PPP2R3A: variants seen among roughly 807,000 people sequenced by gnomAD.
The protein encoded by PPP2R3A is serine/threonine-protein phosphatase 2A regulatory subunit B'' subunit alpha.
A neutral mutation model predicts 106.9 loss-of-function variants in PPP2R3A; 80 were observed. That is an observed-to-expected ratio of 0.75 (90% CI 0.62 to 0.90). PPP2R3A has a LOEUF of 0.90. PPP2R3A is among the 40% of genes least tolerant of loss of function. The pLI is 0.00. For synonymous variants in PPP2R3A, 483 were observed against 468.3 expected (o/e 1.03, Z -0.41); for missense variants, 1,386 against 1,350.4 (o/e 1.03, Z -0.41).
intron 4 of PPP2R3A, among the ~76,000 whole-genome samples, chr3:136,046,985 G>A (rs1431967431): frequency 6.6e-6 from 1 of 152,150 alleles, no homozygotes; most frequent in African/African-American, 2.4e-5. Flanking sequence ...ATCAATCTGA[G>A]GAAAGAGTCT....
At chr3:136,115,172 G>T (rs530597376) in intron 13 of PPP2R3A, among the ~76,000 whole-genome samples, 1 of 152,304 alleles carries the variant, frequency 6.6e-6, no homozygotes, top group African/African-American at 2.4e-5. Context: ...GCAGCAGAGG[G>T]GCCTGACTGT....
chr3:136,025,666 A>C (rs1313679276), intron 2 of PPP2R3A, among the ~76,000 whole-genome samples: 2 of 152,272 alleles, frequency 1.3e-5, no homozygotes, highest in East Asian at 3.8e-4. Context: ...TATTTCTTAC[A>C]GATATATCAT....
chr3:136,137,902 A>C (rs776309394), intron 13 of PPP2R3A, among the ~76,000 whole-genome samples: 10 of 152,142 alleles, frequency 6.6e-5, no homozygotes, highest in Non-Finnish European at 1.3e-4. Context: ...TAGGTAAAGA[A>C]AGCCAGCCAG....
intron 2 of PPP2R3A, among the ~76,000 whole-genome samples, chr3:136,009,393 CTTATTTCTTGAAGGTT>C (rs1207501989): frequency 6.6e-6 from 1 of 152,100 alleles, no homozygotes; most frequent in Non-Finnish European, 1.5e-5. Context: ...ACCCAGGTCA[CTTATTTCTTGAAGGTT>C]TTATCTCCTG....
chr3:136,140,442 T>TAAAAAAAAAA (rs199699500), intron 13 of PPP2R3A, among the ~76,000 whole-genome samples: 2 of 87,238 alleles, frequency 2.3e-5, no homozygotes, highest in African/African-American at 4.8e-5. Flanking sequence ...TGAGACTCTT[T>TAAAAAAAAAA]AAAAAAAAAA....
intron 10 of PPP2R3A, among the ~76,000 whole-genome samples, chr3:136,098,563 C>A (rs1298517465): frequency 6.6e-6 from 1 of 152,158 alleles, no homozygotes; most frequent in South Asian, 2.1e-4. Flanking sequence ...TCTCCTAGAA[C>A]CTTCTCTTGA....
At chr3:136,108,258 T>C (rs1173637826) in intron 13 of PPP2R3A, among the ~76,000 whole-genome samples, 2 of 150,410 alleles carry the variant, frequency 1.3e-5, no homozygotes, top group African/African-American at 5.0e-5. Context: ...TAGTGAAAAT[T>C]TGGAGGCAAT....
At chr3:135,985,261 A>G (rs530095399) in intron 1 of PPP2R3A, among the ~76,000 whole-genome samples, 105 of 152,090 alleles carry the variant, frequency 6.9e-4, no homozygotes, top group Non-Finnish European at 4.9e-4. Flanking sequence ...AAGGGTCAGC[A>G]TAGCAGCACA....
chr3:136,076,952 GAA>G (rs397942257), intron 6 of PPP2R3A, among the ~76,000 whole-genome samples: 2 of 107,920 alleles, frequency 1.9e-5, no homozygotes, highest in Non-Finnish European at 2.1e-5. Context: ...GTCTCAGAAA[GAA>G]AAAAAAAAAA....
chr3:136,063,178 C>T (rs572019991), intron 5 of PPP2R3A, among the ~76,000 whole-genome samples: 1 of 152,212 alleles, frequency 6.6e-6, no homozygotes, highest in Non-Finnish European at 1.5e-5. Context: ...GGAAAGGATT[C>T]CCTATTTAAT....
At chr3:136,116,490 A>G (rs1937766253) in intron 13 of PPP2R3A, among the ~76,000 whole-genome samples, 1 of 152,230 alleles carries the variant, frequency 6.6e-6, no homozygotes, top group South Asian at 2.1e-4. Flanking sequence ...TGTATTCAGG[A>G]GACCCATCTC....
chr3:136,113,868 G>C (rs552085225), intron 13 of PPP2R3A, among the ~76,000 whole-genome samples: 1 of 151,872 alleles, frequency 6.6e-6, no homozygotes, highest in Admixed American at 6.6e-5. Flanking sequence ...TAACATTCTC[G>C]ACATAGGCCT....
chr3:136,044,832 G>A (rs1559886365), intron 4 of PPP2R3A, among the ~76,000 whole-genome samples: 3 of 152,166 alleles, frequency 2.0e-5, no homozygotes, highest in African/African-American at 7.2e-5. Flanking sequence ...TGCAGAGCAG[G>A]CCACTGTCAC....
intron 10 of PPP2R3A, among the ~76,000 whole-genome samples, chr3:136,091,852 A>G (rs940498084): frequency 1.2e-4 from 18 of 152,210 alleles, no homozygotes; most frequent in African/African-American, 4.3e-4. Flanking sequence ...ATATACCAGC[A>G]GAGTAGAGTA....
chr3:136,005,364 C>G (rs1283671012), intron 2 of PPP2R3A, among the ~76,000 whole-genome samples: 5 of 152,172 alleles, frequency 3.3e-5, no homozygotes, highest in African/African-American at 7.2e-5. Context: ...GATACTCAGT[C>G]TGTATGTTTT....
chr3:136,013,180 GTGTATGTATGTATGTATGTA>G (rs201268370), intron 2 of PPP2R3A, among the ~76,000 whole-genome samples: 3 of 142,168 alleles, frequency 2.1e-5, no homozygotes, highest in Non-Finnish European at 4.7e-5. Flanking sequence ...GTGTGTGTGT[GTGTATGTATGTATGTATGTA>G]TGTATGTATG....
intron 13 of PPP2R3A, among the ~76,000 whole-genome samples, chr3:136,129,728 C>T (rs192116063): frequency 2.0e-5 from 3 of 152,228 alleles, no homozygotes; most frequent in Non-Finnish European, 4.4e-5. Flanking sequence ...TGAGAATTTC[C>T]GGCCAGTATC....
In PPP2R3A at chr3:136,112,382, A is replaced by G. The variant is rs552640032; in HGVS notation, c.3329+6060A>G. On this transcript the variant is annotated intron_variant, in intron 13 of 13. Coordinates refer to ENST00000264977, the MANE Select transcript of PPP2R3A (RefSeq NM_002718.5). ...TTGCAGATGATATAATTCTATACCT[A>G]GAAAACCCATAGTATCTACCCAAAG... Among the ~76,000 whole-genome samples the G allele has an allele frequency of 2.8e-4, 43 of 152,340 alleles. No individual in the cohort carries two copies. The South Asian group carries it at 5.8e-3, about 21-fold the overall frequency.
chr3:136,007,022 T>G (rs1933870426), intron 2 of PPP2R3A, among the ~76,000 whole-genome samples: 1 of 152,232 alleles, frequency 6.6e-6, no homozygotes, highest in Non-Finnish European at 1.5e-5. Context: ...ATCGGTTTTC[T>G]GGAGTTTAAA....
Sources: allele counts gnomAD v4.1 joint callset (sites outside exome capture counted in the v4.1 genomes callset), GRCh38; gene constraint gnomAD v4.1.1; transcripts MANE v1.5; gene names NCBI Gene and HGNC (gene_info 2026-07-23, HGNC 2026-07-21).